Variants in GTF2H1 observed in about 807,000 individuals in gnomAD.
GTF2H1 encodes BTF2 p62.
GTF2H1 carries 16 observed loss-of-function variants against 71.2 expected under a neutral mutation model. The ratio of observed to expected loss-of-function variants is 0.22; its 90% confidence interval spans 0.15 to 0.34. The LOEUF (loss-of-function observed/expected upper bound fraction) is 0.34, where lower values mean the gene tolerates loss of function less well. Among genes scored for constraint, GTF2H1 ranks in the 10% least tolerant of loss-of-function variants. GTF2H1 has a pLI of 1.00. For synonymous variants in GTF2H1, 215 were observed against 219.0 expected (o/e 0.98, Z 0.16); for missense variants, 498 against 648.2 (o/e 0.77, Z 2.52).
chr11:18,362,183 A>G (rs942765478), intron 14 of GTF2H1, among the ~76,000 whole-genome samples: 1 of 152,140 alleles, frequency 6.6e-6, no homozygotes, highest in South Asian at 2.1e-4. Flanking sequence ...ACTGTACTAA[A>G]TACTGTAAAC....
At chr11:18,341,214 T>C in intron 5 of GTF2H1, 47 bp from the exon 6 acceptor site, 1 of 1,522,574 alleles carries the variant, frequency 6.6e-7, no homozygotes, top group South Asian at 1.2e-5. Flanking sequence ...TGAGAGGTTT[T>C]AAAAATGGAA....
intron 1 of GTF2H1, among the ~76,000 whole-genome samples, chr11:18,329,053 C>A (rs1037965573): frequency 1.3e-5 from 2 of 151,964 alleles, no homozygotes; most frequent in African/African-American, 4.8e-5. Flanking sequence ...AAAACAAATT[C>A]TCAGTGGTGA....
intron 6 of GTF2H1, 52 bp downstream of exon 6, chr11:18,341,462 CA>C: frequency 6.2e-7 from 1 of 1,603,140 alleles, no homozygotes; most frequent in South Asian, 1.1e-5. Flanking sequence ...ACCCTCTAGA[CA>C]TTATAAGTGT....
At chr11:18,347,522 A>T in intron 7 of GTF2H1, 66 bp from the exon 8 acceptor site, 1 of 1,205,848 alleles carries the variant, frequency 8.3e-7, no homozygotes, top group Non-Finnish European at 1.1e-6. Flanking sequence ...TTTTTCAGCT[A>T]AGCGTGTCTT....
intron 14 of GTF2H1, among the ~76,000 whole-genome samples, chr11:18,362,774 G>T (rs781382343): frequency 6.7e-6 from 1 of 148,930 alleles, no homozygotes; most frequent in Non-Finnish European, 1.5e-5. Context: ...GGGTTCAAGC[G>T]ATTCTCCCGC....
At chr11:18,353,504 G>A (rs1403511145) in intron 11 of GTF2H1, among the ~76,000 whole-genome samples, 1 of 152,060 alleles carries the variant, frequency 6.6e-6, no homozygotes, top group African/African-American at 2.4e-5. Flanking sequence ...CCTGTGCTTC[G>A]GCTTATGCTC....
Position 18,358,554 on chromosome 11 carries a change from T to C in GTF2H1, c.1381T>C (p.Leu461=), listed in dbSNP as rs1490362073. The C allele has an allele frequency of 6.2e-7, 1 of 1,610,822 alleles. No individual in the cohort carries two copies. Among genetic ancestry groups the C allele is most frequent in the South Asian group, 1.1e-5 (1 of 91,012 alleles). The change falls in exon 13 of 15, where the codon TTG becomes CTG. Residue 461 remains leucine, a synonymous_variant. Transcript: ENST00000265963. ...GGTGCCAAATGATATTCAATCTGAATTGAAACACTTATATGTAGCTGTTGG... is the reference window on the plus strand; with the variant it reads ...GGTGCCAAATGATATTCAATCTGAACTGAAACACTTATATGTAGCTGTTGG... ...QMVPNDIQSE[L]KHLYVAVGEL...
chr11:18,360,591 T>C, intron 13 of GTF2H1, 24 bp from the exon 14 acceptor site: 1 of 1,150,530 alleles, frequency 8.7e-7, no homozygotes, highest in African/African-American at 1.6e-5. Flanking sequence ...TTCTCTGTAA[T>C]TTATTGTTTC....
rs4150683 is a variant in GTF2H1 at position 18,366,118 on chromosome 11, C to T, written c.*249C>T. ...GCTAAGTTGCAAATATATATATATA[C>T]ACACACACACATATATGTACATGTG... On this transcript the variant is annotated 3_prime_UTR_variant, in exon 15 of 15. Transcript: ENST00000265963. 6,514 of 450,640 alleles carry T rather than the reference C, an allele frequency of 0.014. 305 individuals carry two copies. Among genetic ancestry groups the T allele is most frequent in the African/African-American group, 0.11 (5,752 of 50,934 alleles). 27.9% of individuals were successfully genotyped at this position (450,640 alleles called of 1,614,324 possible). A position where few individuals can be genotyped will look rare whatever the true frequency, so the allele number is the denominator to read the frequency against.
At chr11:18,346,591 CAT>C (rs1865298370) in intron 7 of GTF2H1, among the ~76,000 whole-genome samples, 1 of 152,086 alleles carries the variant, frequency 6.6e-6, no homozygotes, top group South Asian at 2.1e-4. Context: ...AATATAATCT[CAT>C]TTTATTCTCT....
At chr11:18,364,251 A>T (rs1193389557) in intron 14 of GTF2H1, among the ~76,000 whole-genome samples, 1 of 152,182 alleles carries the variant, frequency 6.6e-6, no homozygotes, top group Non-Finnish European at 1.5e-5. Context: ...GTATGGCAGT[A>T]AGGGTAATTT....
chr11:18,329,343 T>C (rs541751553), intron 1 of GTF2H1, among the ~76,000 whole-genome samples: 6 of 152,318 alleles, frequency 3.9e-5, no homozygotes, highest in African/African-American at 1.4e-4. Context: ...CTTTCAAATC[T>C]GCTCTTCCTT....
chr11:18,356,206 C>T (rs1453388932), intron 11 of GTF2H1, among the ~76,000 whole-genome samples: 1 of 151,876 alleles, frequency 6.6e-6, no homozygotes, highest in Non-Finnish European at 1.5e-5. Context: ...GGCAAAACCC[C>T]GTCTCTACCA....
intron 14 of GTF2H1, among the ~76,000 whole-genome samples, chr11:18,364,005 C>T (rs1019181992): frequency 2.0e-5 from 3 of 151,608 alleles, no homozygotes; most frequent in Non-Finnish European, 4.4e-5. Flanking sequence ...ACCTGGGAGG[C>T]GGAGATTGCA....
rs1373243948 is a variant in GTF2H1 at position 18,322,679 on chromosome 11, C to G, written c.-77C>G. On this transcript the variant is annotated 5_prime_UTR_variant, in exon 1 of 15. Coordinates refer to ENST00000265963, the MANE Select transcript of GTF2H1 (RefSeq NM_005316.4). ...CCAGCAGCGGCTCTAAGAAGCGCAGCGGAACTCGACCGGATCCAACCCAGT... is the reference window on the plus strand; with the variant it reads ...CCAGCAGCGGCTCTAAGAAGCGCAGGGGAACTCGACCGGATCCAACCCAGT... The G allele has an allele frequency of 6.6e-6, 1 of 151,406 alleles. No homozygotes were observed. Among genetic ancestry groups the G allele is most frequent in the South Asian group, 2.1e-4 (1 of 4,822 alleles). The allele number at this position is 151,406 out of a possible 1,614,324, so 9.4% of individuals were successfully genotyped here.
In GTF2H1 at chr11:18,347,731, A is replaced by G. The variant is rs1391402987; in HGVS notation, c.965+16A>G. The G allele has an allele frequency of 6.2e-7, 1 of 1,611,282 alleles. No individual in the cohort carries two copies. The highest frequency in any genetic ancestry group is 1.7e-5 in the Admixed American group (1 of 59,258). ...TCAGAAAACAGTTAAGTATAAATGC[A>G]GAGGTGCAGTAACTGGGCTTTTCAG... is the stretch of plus-strand genomic sequence containing the variant. On this transcript the variant is annotated intron_variant, in intron 8 of 14. Transcript: ENST00000265963.
chr11:18,365,710 G>A, intron 14 of GTF2H1, 73 bp from the exon 15 acceptor site: 1 of 952,634 alleles, frequency 1.0e-6, no homozygotes, highest in South Asian at 1.3e-5. Context: ...TGAAGTGTGT[G>A]CCAGATTTGG....
At chr11:18,345,616 A>G (rs551330712) in intron 7 of GTF2H1, among the ~76,000 whole-genome samples, 1 of 149,760 alleles carries the variant, frequency 6.7e-6, no homozygotes, top group African/African-American at 2.5e-5. Flanking sequence ...CTCCTCCCTC[A>G]GCTTCCTGAG....
At chr11:18,361,220 TCACC>T (rs1865688229) in intron 14 of GTF2H1, among the ~76,000 whole-genome samples, 4 of 152,236 alleles carry the variant, frequency 2.6e-5, no homozygotes, top group African/African-American at 9.6e-5. Context: ...GTCTGTTTAC[TCACC>T]AATCAGGAAA....
Sources: allele counts gnomAD v4.1 joint callset (sites outside exome capture counted in the v4.1 genomes callset), GRCh38; gene constraint gnomAD v4.1.1; transcripts MANE v1.5; gene names NCBI Gene and HGNC (gene_info 2026-07-23, HGNC 2026-07-21).